Variants in GPD2 observed in about 807,000 individuals in gnomAD.
GPD2 encodes glycerol-3-phosphate dehydrogenase 2, also known as glycerol-3-phosphate dehydrogenase, mitochondrial.
GPD2 carries 54 observed loss-of-function variants against 82.4 expected under a neutral mutation model. The observed-to-expected ratio is 0.66, with a 90% CI of 0.53 to 0.82. GPD2 has a LOEUF of 0.82. Ranked by LOEUF, GPD2 falls within the 40% of genes least tolerant of loss-of-function variation. GPD2 has a pLI of 0.00. For synonymous variants in GPD2, 288 were observed against 306.1 expected, an observed-to-expected ratio of 0.94 and a Z score of 0.62; for missense variants, 748 against 896.2, an observed-to-expected ratio of 0.83 and a Z score of 2.11.
intron 1 of GPD2, among the ~76,000 whole-genome samples, chr2:156,470,658 T>G (rs1055278931): frequency 6.6e-6 from 1 of 152,214 alleles, no homozygotes; most frequent in Non-Finnish European, 1.5e-5. Flanking sequence ...TTGTGCATAG[T>G]TGCCTTGCCT....
At chr2:156,400,747 A>G in the GPD2 span, among the ~76,000 whole-genome samples, 1 of 152,250 alleles carries the variant, frequency 6.6e-6, no homozygotes, top group Non-Finnish European at 1.5e-5. Flanking sequence ...GAGTATGGAC[A>G]CCAGAAATAT....
intron 3 of GPD2, among the ~76,000 whole-genome samples, chr2:156,505,422 A>C (rs1407843882): frequency 6.6e-6 from 1 of 152,168 alleles, no homozygotes. Context: ...AGTAATCAAT[A>C]ATAAAAACAA....
At chr2:156,433,481 A>G (rs758425464), upstream of GPD2, among the ~76,000 whole-genome samples, 1 of 152,054 alleles carries the variant, frequency 6.6e-6, no homozygotes, top group Non-Finnish European at 1.5e-5. Flanking sequence ...CTATGATTTC[A>G]TCCCTGAGCA....
At chr2:156,455,759 GT>G (rs34875231) in intron 1 of GPD2, among the ~76,000 whole-genome samples, 137,891 of 152,090 alleles carry the variant, frequency 0.91, 63,730 homozygotes, top group South Asian at 1. Context: ...TATCATTTTT[GT>G]TTGTGTTAGA....
At chr2:156,517,216 C>T (rs913412735) in intron 6 of GPD2, among the ~76,000 whole-genome samples, 3 of 152,118 alleles carry the variant, frequency 2.0e-5, no homozygotes, top group African/African-American at 7.2e-5. Flanking sequence ...CCTTGGCCTC[C>T]CAAAGTGTTG....
At chr2:156,539,468 ACATTGGGTT>A (rs1207821852) in intron 6 of GPD2, among the ~76,000 whole-genome samples, 1 of 152,186 alleles carries the variant, frequency 6.6e-6, no homozygotes, top group African/African-American at 2.4e-5. Flanking sequence ...GACAATCAGG[ACATTGGGTT>A]CAGGTCAGAC....
At chr2:156,546,288 G>A (rs1243464812) in intron 6 of GPD2, among the ~76,000 whole-genome samples, 1 of 152,162 alleles carries the variant, frequency 6.6e-6, no homozygotes, top group Non-Finnish European at 1.5e-5. Context: ...AACTTAATAA[G>A]CAGATCAATT....
intron 8 of GPD2, among the ~76,000 whole-genome samples, chr2:156,555,686 A>G (rs185042108): frequency 4.5e-4 from 68 of 152,338 alleles, no homozygotes; most frequent in Non-Finnish European, 6.9e-4. Flanking sequence ...AGATTTTTAG[A>G]TAGTTTTATG....
intron 2 of GPD2, among the ~76,000 whole-genome samples, chr2:156,477,874 T>G (rs1683568528): frequency 6.6e-6 from 1 of 152,190 alleles, no homozygotes; most frequent in South Asian, 2.1e-4. Context: ...GAAGTGCACT[T>G]CTGTTTGGGA....
intron 9 of GPD2, among the ~76,000 whole-genome samples, chr2:156,558,755 G>T (rs1348188947): frequency 8.4e-6 from 1 of 118,410 alleles, no homozygotes; most frequent in African/African-American, 3.2e-5. Flanking sequence ...CCACCACCAC[G>T]CCCAGCTAAC....
At chr2:156,442,892 C>T (rs1420383328) in intron 1 of GPD2, among the ~76,000 whole-genome samples, 5 of 152,198 alleles carry the variant, frequency 3.3e-5, no homozygotes, top group Admixed American at 2.0e-4. Context: ...GTCACTCTCT[C>T]TGCTCCATGC....
At chr2:156,545,853 T>A (rs1686511161) in intron 6 of GPD2, among the ~76,000 whole-genome samples, 1 of 152,218 alleles carries the variant, frequency 6.6e-6, no homozygotes, top group Admixed American at 6.5e-5. Flanking sequence ...AGTATTGCTG[T>A]CTCCAAAATA....
At chr2:156,560,705 A>G (rs1019791426) in intron 9 of GPD2, among the ~76,000 whole-genome samples, 1 of 152,218 alleles carries the variant, frequency 6.6e-6, no homozygotes, top group Non-Finnish European at 1.5e-5. Context: ...AAGTTTGTCT[A>G]TATCTTAAAA....
intron 2 of GPD2, among the ~76,000 whole-genome samples, chr2:156,488,344 G>T (rs1684022497): frequency 6.6e-6 from 1 of 152,102 alleles, no homozygotes; most frequent in Non-Finnish European, 1.5e-5. Flanking sequence ...TATAAATATG[G>T]TTAGTCTTTT....
intron 9 of GPD2, among the ~76,000 whole-genome samples, chr2:156,564,586 G>A (rs1158046813): frequency 4.6e-5 from 7 of 151,982 alleles, no homozygotes; most frequent in Admixed American, 2.0e-4. Flanking sequence ...TGGTGAGGAG[G>A]TATAAGCTCT....
the GPD2 span, among the ~76,000 whole-genome samples, chr2:156,403,258 TGTG>T: frequency 6.6e-6 from 1 of 152,110 alleles, no homozygotes; most frequent in African/African-American, 2.4e-5. Flanking sequence ...AAGGAACAAA[TGTG>T]GTGCCCTAAG....
At chr2:156,512,177 G>GCCAA in intron 4 of GPD2, 43 bp from the exon 5 acceptor site, 1 of 927,904 alleles carries the variant, frequency 1.1e-6, no homozygotes, top group Non-Finnish European at 1.8e-6. Context: ...AAAATATTAT[G>GCCAA]ATCTGTTACT....
intron 15 of GPD2, among the ~76,000 whole-genome samples, chr2:156,579,426 T>C (rs1255781795): frequency 6.6e-6 from 1 of 151,656 alleles, no homozygotes; most frequent in Non-Finnish European, 1.5e-5. Context: ...CCTCCTGGGT[T>C]CAAGCGGTTC....
upstream of GPD2, among the ~76,000 whole-genome samples, chr2:156,432,462 A>T (rs1230018514): frequency 6.6e-6 from 1 of 152,106 alleles, no homozygotes; most frequent in African/African-American, 2.4e-5. Flanking sequence ...TGTCTGAGTG[A>T]AACCATGATT....
Sources: allele counts gnomAD v4.1 joint callset (sites outside exome capture counted in the v4.1 genomes callset), GRCh38; gene constraint gnomAD v4.1.1; transcripts MANE v1.5; gene names NCBI Gene and HGNC (gene_info 2026-07-23, HGNC 2026-07-21).